RAB33A: variants seen among roughly 807,000 people sequenced by gnomAD.
RAB33A encodes ras-related protein Rab-33A.
In RAB33A, 6 loss-of-function variants were observed where a neutral mutation model predicts 12.0. The observed-to-expected ratio is 0.50, with a 90% confidence interval of 0.27 to 0.99. The LOEUF (loss-of-function observed/expected upper bound fraction) is 0.99. Ranked by LOEUF, RAB33A falls within the 50% of genes least tolerant of loss-of-function variation. The probability of loss-of-function intolerance (pLI) is 0.11; values close to 1 mark genes in which losing one functional copy is unlikely to be tolerated. For synonymous variants in RAB33A, 70 were observed against 82.4 expected, an observed-to-expected ratio of 0.85 and a Z score of 0.81; for missense variants, 109 against 192.0, an observed-to-expected ratio of 0.57 and a Z score of 2.55.
chrX:130,121,994 CT>C, the RAB33A span, among the ~76,000 whole-genome samples: 2 of 112,232 alleles, frequency 1.8e-5, no homozygotes, highest in African/African-American at 6.5e-5. Context: ...TGTTCTGAGC[CT>C]TGAGCTGTTC....
chrX:130,114,050 G>A, the RAB33A span, among the ~76,000 whole-genome samples: 1 of 112,039 alleles, frequency 8.9e-6, no homozygotes, highest in Non-Finnish European at 1.9e-5. Context: ...AGTATGACAG[G>A]GCCAGGGCTG....
At chrX:130,174,905 T>C (rs1045033249) in intron 1 of RAB33A, among the ~76,000 whole-genome samples, 1 of 110,750 alleles carries the variant, frequency 9.0e-6, no homozygotes, top group Non-Finnish European at 1.9e-5. Context: ...CCAATCATTA[T>C]GTTCCCCACC....
chrX:130,169,858 G>C (rs2031586959), upstream of RAB33A, among the ~76,000 whole-genome samples: 1 of 112,125 alleles, frequency 8.9e-6, no homozygotes, highest in Admixed American at 9.5e-5. Context: ...TTGTGTACAG[G>C]ATGTACCTAA....
At chrX:130,114,924 C>T in the RAB33A span, among the ~76,000 whole-genome samples, 2 of 111,680 alleles carry the variant, frequency 1.8e-5, no homozygotes, top group South Asian at 7.4e-4. Flanking sequence ...TCTCTTTGGC[C>T]TCCGGGGTAG....
At chrX:130,112,346 G>A in the RAB33A span, among the ~76,000 whole-genome samples, 18 of 111,712 alleles carry the variant, frequency 1.6e-4, no homozygotes, top group Non-Finnish European at 3.0e-4. Context: ...GGTAGGTTCC[G>A]GATGTCCCTA....
At chrX:130,164,241 C>T in the RAB33A span, among the ~76,000 whole-genome samples, 1 of 110,494 alleles carries the variant, frequency 9.1e-6, no homozygotes, top group Non-Finnish European at 1.9e-5. Flanking sequence ...CATTTCAATA[C>T]ACAAAACCCT....
the RAB33A span, among the ~76,000 whole-genome samples, chrX:130,163,885 G>C: frequency 1.3e-3 from 143 of 109,794 alleles, no homozygotes; most frequent in Non-Finnish European, 7.6e-4. Context: ...GCCGGGCGCG[G>C]TGGCTCACGC....
At chrX:130,159,890 G>A in the RAB33A span, among the ~76,000 whole-genome samples, 9 of 108,023 alleles carry the variant, frequency 8.3e-5, no homozygotes, top group Non-Finnish European at 1.7e-4. Context: ...GCACAATCTC[G>A]GCTCACTGCA....
chrX:130,115,984 G>A, the RAB33A span, among the ~76,000 whole-genome samples: 1 of 111,377 alleles, frequency 9.0e-6, no homozygotes, highest in African/African-American at 3.3e-5. Context: ...GTTGTGTCTG[G>A]TCAGCATAAG....
At chrX:130,120,939 A>C in the RAB33A span, among the ~76,000 whole-genome samples, 48 of 112,891 alleles carry the variant, frequency 4.3e-4, no homozygotes, top group South Asian at 5.7e-3. Flanking sequence ...CAGGAGGAGG[A>C]GATATCGGCT....
chrX:130,133,589 G>C, the RAB33A span: 1 of 850,399 alleles, frequency 1.2e-6, no homozygotes, highest in Non-Finnish European at 1.7e-6. Flanking sequence ...ACAGGCCAGA[G>C]TTGTACTTAA....
At chrX:130,158,113 A>C in the RAB33A span, among the ~76,000 whole-genome samples, 2 of 105,394 alleles carry the variant, frequency 1.9e-5, no homozygotes, top group African/African-American at 7.0e-5. Flanking sequence ...AAATACAAAA[A>C]ATTAGCCGGG....
chrX:130,183,415 C>T (rs1323297290), intron 1 of RAB33A, among the ~76,000 whole-genome samples: 5 of 108,374 alleles, frequency 4.6e-5, no homozygotes, highest in East Asian at 3.0e-4. Flanking sequence ...ATTATCCAGG[C>T]GTGGTGGCGG....
At chrX:130,149,678 C>T in the RAB33A span, 26 of 592,432 alleles carry the variant, frequency 4.4e-5, no homozygotes, top group Non-Finnish European at 7.2e-5. Context: ...GATGTTAGTT[C>T]CTCTATGTCA....
chrX:130,157,366 G>A, the RAB33A span, among the ~76,000 whole-genome samples: 3 of 112,002 alleles, frequency 2.7e-5, no homozygotes, highest in East Asian at 8.4e-4. Context: ...CTAGGGAGAC[G>A]CTGACATTTT....
At chrX:130,171,784 C>T (rs1230244027), upstream of RAB33A, 4 of 354,880 alleles carry the variant, frequency 1.1e-5, no homozygotes, top group East Asian at 1.9e-4. Flanking sequence ...GGCTCGTCCA[C>T]TCTCCTCCCT....
intron 1 of RAB33A, among the ~76,000 whole-genome samples, chrX:130,181,310 A>C (rs1199468057): frequency 1.8e-5 from 2 of 111,373 alleles, no homozygotes; most frequent in Non-Finnish European, 3.8e-5. Context: ...CGACAGATTC[A>C]ATTATATTTA....
At chrX:130,171,665 A>C, upstream of RAB33A, 5 of 153,973 alleles carry the variant, frequency 3.2e-5, no homozygotes, top group Non-Finnish European at 5.0e-5. Flanking sequence ...CGTCCCGGGA[A>C]TGCAGGCAGG....
the RAB33A span, among the ~76,000 whole-genome samples, chrX:130,151,525 C>T: frequency 5.4e-5 from 6 of 111,818 alleles, no homozygotes; most frequent in Non-Finnish European, 9.4e-5. Context: ...AACCTGAACC[C>T]TGAGAGCTGG....
Sources: allele counts gnomAD v4.1 joint callset (sites outside exome capture counted in the v4.1 genomes callset), GRCh38; gene constraint gnomAD v4.1.1; transcripts MANE v1.5; gene names NCBI Gene and HGNC (gene_info 2026-07-23, HGNC 2026-07-21).